AGMO: variants seen among roughly 807,000 people sequenced by gnomAD.
AGMO encodes the protein glyceryl-ether monooxygenase.
AGMO carries 75 observed loss-of-function variants against 60.2 expected under a neutral mutation model. The ratio of observed to expected loss-of-function variants is 1.25; its 90% CI spans 1.03 to 1.51. The LOEUF (loss-of-function observed/expected upper bound fraction) is 1.51, where lower values mean the gene tolerates loss of function less well. Ranked by LOEUF, AGMO falls within the 40% of genes most tolerant of loss-of-function variation. AGMO has a pLI of 0.00. For synonymous variants in AGMO, 261 were observed against 177.1 expected, an observed-to-expected ratio of 1.47 and a Z score of -3.76; for missense variants, 763 against 525.5, an observed-to-expected ratio of 1.45 and a Z score of -4.42.
At chr7:15,388,881 A>G (rs1278350055) in intron 8 of AGMO, among the ~76,000 whole-genome samples, 1 of 152,214 alleles carries the variant, frequency 6.6e-6, no homozygotes, top group Non-Finnish European at 1.5e-5. Flanking sequence ...AGTAAACCTT[A>G]GACCCACTTG....
chr7:15,161,274 C>G, the AGMO span, among the ~76,000 whole-genome samples: 2 of 152,240 alleles, frequency 1.3e-5, no homozygotes, highest in East Asian at 1.9e-4. Context: ...TGGGCCACAT[C>G]TAAGCAGTTG....
chr7:15,269,413 G>C (rs1224716931), intron 12 of AGMO, among the ~76,000 whole-genome samples: 1 of 152,000 alleles, frequency 6.6e-6, no homozygotes, highest in Non-Finnish European at 1.5e-5. Flanking sequence ...GATGGACAAG[G>C]ATTCCCGGTC....
intron 12 of AGMO, among the ~76,000 whole-genome samples, chr7:15,284,708 CCTAA>C (rs775418020): frequency 4.6e-5 from 7 of 151,908 alleles, no homozygotes; most frequent in Non-Finnish European, 2.9e-5. Context: ...TAGAATCCTC[CCTAA>C]CTATCTATGA....
intron 3 of AGMO, among the ~76,000 whole-genome samples, chr7:15,500,543 A>G (rs1209087945): frequency 2.6e-5 from 4 of 151,918 alleles, no homozygotes; most frequent in Non-Finnish European, 5.9e-5. Flanking sequence ...CTTATAGAAA[A>G]GTTTCTAGAA....
chr7:15,529,499 G>C (rs1784218573), intron 3 of AGMO, among the ~76,000 whole-genome samples: 1 of 125,662 alleles, frequency 8.0e-6, no homozygotes, highest in Non-Finnish European at 1.7e-5. Flanking sequence ...TAAGATTCTA[G>C]TTCTTAGACT....
chr7:15,226,701 G>A (rs1442297365), intron 12 of AGMO, among the ~76,000 whole-genome samples: 1 of 152,026 alleles, frequency 6.6e-6, no homozygotes, highest in East Asian at 1.9e-4. Context: ...CTGACCCACA[G>A]CAAATCATTT....
At chr7:15,423,540 TG>T (rs1216239191) in intron 4 of AGMO, among the ~76,000 whole-genome samples, 1 of 84,994 alleles carries the variant, frequency 1.2e-5, no homozygotes, top group African/African-American at 3.7e-5. Context: ...TTCATTAACA[TG>T]GTGTGGGAGA....
At chr7:15,136,809 C>T in the AGMO span, among the ~76,000 whole-genome samples, 2 of 151,978 alleles carry the variant, frequency 1.3e-5, no homozygotes, top group Non-Finnish European at 1.5e-5. Flanking sequence ...TTTTCTTCCA[C>T]TACCTATCTC....
At chr7:15,352,254 T>C (rs1308142173) in intron 12 of AGMO, among the ~76,000 whole-genome samples, 2 of 152,156 alleles carry the variant, frequency 1.3e-5, no homozygotes, top group Non-Finnish European at 2.9e-5. Flanking sequence ...TTCAAAGGCA[T>C]ATAAGATGGC....
chr7:15,487,955 A>C (rs953451110), intron 3 of AGMO, among the ~76,000 whole-genome samples: 6 of 152,208 alleles, frequency 3.9e-5, no homozygotes, highest in African/African-American at 1.2e-4. Flanking sequence ...ATTTCAAAAA[A>C]AAATCTATAA....
chr7:15,271,044 C>T (rs1480850791), intron 12 of AGMO, among the ~76,000 whole-genome samples: 1 of 151,976 alleles, frequency 6.6e-6, no homozygotes, highest in Non-Finnish European at 1.5e-5. Flanking sequence ...GTACCAGTAC[C>T]ATGCTGTTGA....
chr7:15,312,764 A>G lies in AGMO; in HGVS notation c.1263+52750T>C, dbSNP rs564553039. Among the ~76,000 whole-genome samples, 37 of 151,314 alleles carry G rather than the reference A, an allele frequency of 2.4e-4. No homozygotes were observed. In the East Asian group the frequency reaches 3.0e-3, roughly 12 times the overall value. ...CTGGCAATGATGTCTGCTCACTGCA[A>G]CCTCTGCCTCCTGGGCTCAAGAGCC... is the stretch of plus-strand genomic sequence containing the variant. On this transcript the variant is annotated intron_variant, in intron 12 of 12. Coordinates refer to ENST00000342526, the MANE Select transcript of AGMO (RefSeq NM_001004320.2).
rs1396958100 is a variant in AGMO at position 15,392,437 on chromosome 7, G to A, written c.677-1532C>T. ...CCTTGGCCTCTCCACTCCCCAATTA[G>A]AGATACTTCTTGACTTATGGAGTGG... On this transcript the variant is annotated intron_variant, in intron 6 of 12. Transcript: ENST00000342526. Among the ~76,000 whole-genome samples, 3 of 151,936 alleles carry A rather than the reference G, an allele frequency of 2.0e-5. No homozygotes were observed. In the East Asian group the frequency reaches 5.8e-4, roughly 29 times the overall value.
intron 10 of AGMO, among the ~76,000 whole-genome samples, chr7:15,375,327 G>A (rs1439910368): frequency 6.7e-6 from 1 of 149,636 alleles, no homozygotes; most frequent in African/African-American, 2.5e-5. Context: ...CCAAAATACA[G>A]AAGAGAAAAG....
intron 12 of AGMO, among the ~76,000 whole-genome samples, chr7:15,229,628 T>C (rs1265102552): frequency 6.7e-6 from 1 of 148,730 alleles, no homozygotes; most frequent in Admixed American, 6.7e-5. Flanking sequence ...CCATTTCAAG[T>C]TCAAATTAAA....
chr7:15,369,302 T>C (rs749469085), intron 10 of AGMO, among the ~76,000 whole-genome samples: 6 of 152,066 alleles, frequency 3.9e-5, no homozygotes, highest in Non-Finnish European at 8.8e-5. Flanking sequence ...TTTAAGCTTA[T>C]GTGAGATCAT....
intron 3 of AGMO, among the ~76,000 whole-genome samples, chr7:15,457,270 A>G (rs1387293879): frequency 6.6e-6 from 1 of 152,180 alleles, no homozygotes; most frequent in Non-Finnish European, 1.5e-5. Flanking sequence ...TAACTTTGAT[A>G]AATGCATATT....
chr7:15,432,947 C>G (rs2128499000), intron 3 of AGMO, among the ~76,000 whole-genome samples: 2 of 151,878 alleles, frequency 1.3e-5, no homozygotes, highest in Middle Eastern at 6.8e-3. Flanking sequence ...TGATGAATCC[C>G]CTAAAGTTTA....
intron 8 of AGMO, among the ~76,000 whole-genome samples, chr7:15,389,747 T>C (rs1784061701): frequency 6.6e-6 from 1 of 152,312 alleles, no homozygotes; most frequent in Non-Finnish European, 1.5e-5. Context: ...TCTGAGAACC[T>C]TGGTTTCCTC....
Sources: allele counts gnomAD v4.1 joint callset (sites outside exome capture counted in the v4.1 genomes callset), GRCh38; gene constraint gnomAD v4.1.1; transcripts MANE v1.5; gene names NCBI Gene and HGNC (gene_info 2026-07-23, HGNC 2026-07-21).